Variants in SMAD6 observed in about 807,000 individuals in gnomAD.
The protein encoded by SMAD6 is SMAD family member 6.
Under a neutral mutation model 39.4 loss-of-function variants are expected in SMAD6, and 103 were observed. The ratio of observed to expected loss-of-function variants is 2.62; its 90% confidence interval spans 2.23 to 3.08. The LOEUF (loss-of-function observed/expected upper bound fraction) is 3.08. SMAD6 is among the 30% of genes most tolerant of loss of function. The pLI is 0.00. For missense variants in SMAD6, 1,104 were observed against 742.9 expected (o/e 1.49, Z -5.65); for synonymous variants, 445 against 353.3 (o/e 1.26, Z -2.91).
chr15:66,742,973 C>T (rs78231452), intron 3 of SMAD6, among the ~76,000 whole-genome samples: 1 of 152,124 alleles, frequency 6.6e-6, no homozygotes, highest in Non-Finnish European at 1.5e-5. Flanking sequence ...CCACAGTTAG[C>T]ATGTGGTGGT....
chr15:66,739,832 G>T (rs565661040), intron 3 of SMAD6, among the ~76,000 whole-genome samples: 1 of 152,072 alleles, frequency 6.6e-6, no homozygotes, highest in African/African-American at 2.4e-5. Context: ...TAAGAGATGG[G>T]CCTCGCTTTG....
intron 3 of SMAD6, 42 bp from the exon 4 acceptor site, chr15:66,780,955 C>T (rs1360179354): frequency 1.3e-6 from 2 of 1,506,250 alleles, no homozygotes; most frequent in East Asian, 2.5e-5. Flanking sequence ...CTCCCACCTC[C>T]CCACCCAGAA....
rs985023946 is a variant in SMAD6, at chr15:66,747,331, C to G, written c.952+30833C>G. On this transcript the variant is annotated intron_variant, in intron 3 of 3. Transcript: ENST00000288840. The surrounding 1 kb of genome is among the most constrained non-coding windows in gnomAD (Gnocchi z 4.5). The stretch of plus-strand genomic sequence containing the variant: ...CCTGCCCTTCCCCATGAGCGCCTTA[C>G]CTGCCGGTGCTAAGGAGCCTGGCTT... Among the ~76,000 whole-genome samples the G allele has an allele frequency of 6.6e-6, 1 of 152,270 alleles. No individual in the cohort carries two copies. The highest frequency in any genetic ancestry group is 1.5e-5 in the Non-Finnish European group (1 of 68,048).
chr15:66,708,667 A>C (rs971294762), intron 1 of SMAD6: 9 of 460,878 alleles, frequency 2.0e-5, no homozygotes, highest in Admixed American at 7.1e-5. Context: ...ATGAAAGAAG[A>C]AGCCAGCCAC....
At chr15:66,771,461 TGAAA>T (rs1200300517) in intron 3 of SMAD6, among the ~76,000 whole-genome samples, 1 of 152,190 alleles carries the variant, frequency 6.6e-6, no homozygotes, top group Non-Finnish European at 1.5e-5. Context: ...GCGCTGAGGC[TGAAA>T]GAAAGGCCTT....
chr15:66,736,274 CAT>C (rs1380600609), intron 3 of SMAD6, among the ~76,000 whole-genome samples: 2 of 152,204 alleles, frequency 1.3e-5, no homozygotes, highest in Admixed American at 1.3e-4. Context: ...AAAAGTTTCA[CAT>C]GAGTTGTAGC....
chr15:66,772,063 C>T (rs980768324), intron 3 of SMAD6, among the ~76,000 whole-genome samples: 2 of 152,200 alleles, frequency 1.3e-5, no homozygotes, highest in Non-Finnish European at 2.9e-5. Flanking sequence ...TCTTCACGTC[C>T]AGTGTTTGCA....
At chr15:66,758,683 G>A (rs577666549) in intron 3 of SMAD6, among the ~76,000 whole-genome samples, 60 of 151,878 alleles carry the variant, frequency 4.0e-4, no homozygotes, top group African/African-American at 1.4e-3. Context: ...AGCTGAGATC[G>A]TGCCGTTGCA....
At chr15:66,723,122 G>A (rs943345143) in intron 3 of SMAD6, among the ~76,000 whole-genome samples, 6 of 152,102 alleles carry the variant, frequency 3.9e-5, no homozygotes, top group Non-Finnish European at 7.4e-5. Context: ...AGCTTCTCCC[G>A]TCGTTGGCCA....
intron 3 of SMAD6, among the ~76,000 whole-genome samples, chr15:66,722,963 C>A (rs2140614611): frequency 6.6e-6 from 1 of 152,284 alleles, no homozygotes; most frequent in South Asian, 2.1e-4. Flanking sequence ...CCTCTCTAGT[C>A]TCAGTTTGCT....
At chr15:66,761,982 T>C (rs1034286552) in intron 3 of SMAD6, among the ~76,000 whole-genome samples, 1 of 152,162 alleles carries the variant, frequency 6.6e-6, no homozygotes, top group Non-Finnish European at 1.5e-5. Flanking sequence ...GAAGTGACGC[T>C]CAGAACTCCC....
chr15:66,708,335 T>A (rs1424203879), intron 1 of SMAD6: 1 of 167,270 alleles, frequency 6.0e-6, no homozygotes, highest in Non-Finnish European at 1.3e-5. Context: ...CAGTTTCTTT[T>A]CTGACCTTTG....
intron 3 of SMAD6, chr15:66,717,631 C>G (rs1595766950): frequency 2.7e-6 from 1 of 367,772 alleles, no homozygotes; most frequent in South Asian, 2.0e-5. Flanking sequence ...AGCCCAGAGC[C>G]TTTGCCTATC....
chr15:66,709,782 A>G (rs1893191675), intron 1 of SMAD6, among the ~76,000 whole-genome samples: 1 of 152,130 alleles, frequency 6.6e-6, no homozygotes, highest in African/African-American at 2.4e-5. Flanking sequence ...CCTTCTCTGT[A>G]CAGTGGAAAC....
chr15:66,710,596 A>G (rs976554041), intron 1 of SMAD6, among the ~76,000 whole-genome samples: 3 of 152,160 alleles, frequency 2.0e-5, no homozygotes, highest in Non-Finnish European at 4.4e-5. Context: ...AATAATAGTT[A>G]TTACCACTGA....
intron 3 of SMAD6, among the ~76,000 whole-genome samples, chr15:66,746,225 T>C (rs2140641761): frequency 6.6e-6 from 1 of 152,346 alleles, no homozygotes; most frequent in East Asian, 1.9e-4. Context: ...GCTGTGCAAC[T>C]TCGGTGACTC....
At chr15:66,771,028 G>C (rs1246948191) in intron 3 of SMAD6, among the ~76,000 whole-genome samples, 1 of 152,182 alleles carries the variant, frequency 6.6e-6, no homozygotes, top group East Asian at 1.9e-4. Context: ...ACAGAGCCCC[G>C]GGACCTGGAG....
At chr15:66,744,207 T>C (rs1893867007) in intron 3 of SMAD6, among the ~76,000 whole-genome samples, 2 of 150,890 alleles carry the variant, frequency 1.3e-5, no homozygotes, top group African/African-American at 4.9e-5. Context: ...CCAGAAAGAG[T>C]CGAAAAAACA....
In SMAD6 at chr15:66,781,182, G is replaced by T. The variant is rs1894558895; in HGVS notation, c.1138G>T (p.Val380Leu). The change falls in exon 4 of 4, where the codon GTG becomes TTG. Residue 380 changes from valine (V) to leucine (L), a missense_variant. Coordinates refer to ENST00000288840, the MANE Select transcript of SMAD6 (RefSeq NM_005585.5). ...CAACCTGGAGCAGCGCAGCGAGTCG[G>T]TGCGGCGAACGCGCAGCAAGATCGG... ...QLNLEQRSESVRRTRSKIGFG... is the reference protein window; with the variant it reads ...QLNLEQRSESLRRTRSKIGFG... The T allele has an allele frequency of 6.2e-6, 10 of 1,607,866 alleles. No individual in the cohort carries two copies. The highest frequency in any genetic ancestry group is 8.5e-6 in the Non-Finnish European group (10 of 1,179,738).
Sources: allele counts gnomAD v4.1 joint callset (sites outside exome capture counted in the v4.1 genomes callset), GRCh38; gene constraint gnomAD v4.1.1; non-coding constraint Gnocchi (gnomAD v3.1); transcripts MANE v1.5; gene names NCBI Gene and HGNC (gene_info 2026-07-23, HGNC 2026-07-21).